Variants in SLC13A1 observed in about 807,000 individuals in gnomAD.
The protein encoded by SLC13A1 is Na(+)/sulfate cotransporter.
A neutral mutation model predicts 70.0 loss-of-function variants in SLC13A1; 65 were observed. That is an observed-to-expected ratio of 0.93 (90% CI 0.76 to 1.14). The LOEUF is 1.14. SLC13A1 is among the 50% of genes most tolerant of loss of function. SLC13A1 has a pLI of 0.00. For synonymous variants in SLC13A1, 275 were observed against 250.5 expected, an observed-to-expected ratio of 1.10 and a Z score of -0.92; for missense variants, 726 against 717.8, an observed-to-expected ratio of 1.01 and a Z score of -0.13.
intron 7 of SLC13A1, among the ~76,000 whole-genome samples, chr7:123,141,185 C>A (rs1443441767): frequency 6.6e-6 from 1 of 152,002 alleles, no homozygotes; most frequent in Non-Finnish European, 1.5e-5. Context: ...CATTCAGGAG[C>A]ATATTGTTTA....
chr7:123,140,450 C>A (rs766052666), intron 7 of SLC13A1, among the ~76,000 whole-genome samples: 2 of 151,588 alleles, frequency 1.3e-5, no homozygotes, highest in African/African-American at 2.4e-5. Flanking sequence ...GGACTCATAG[C>A]GTTTGAAAGT....
At chr7:123,146,661 CAT>C (rs1203295105) in intron 7 of SLC13A1, among the ~76,000 whole-genome samples, 4 of 152,186 alleles carry the variant, frequency 2.6e-5, no homozygotes, top group Admixed American at 6.5e-5. Flanking sequence ...TATTAACAGT[CAT>C]ATATCTGTTT....
rs145376755 is a variant in SLC13A1 at position 123,196,299 on chromosome 7, G to A, written c.99+3549C>T. ...AGATTACCATTATGTTTAAGAGACAGAAAGAATTTCTGATGCTCAGTGTAA... is the reference window on the plus strand; with the variant it reads ...AGATTACCATTATGTTTAAGAGACAAAAAGAATTTCTGATGCTCAGTGTAA... On this transcript the variant is annotated intron_variant, in intron 1 of 14. Coordinates refer to ENST00000194130, the MANE Select transcript of SLC13A1 (RefSeq NM_022444.4). Among the ~76,000 whole-genome samples, 192 of 152,220 alleles carry A rather than the reference G, an allele frequency of 1.3e-3. 1 individual carries two copies. Among genetic ancestry groups the A allele is most frequent in the African/African-American group, 4.3e-3 (180 of 41,558 alleles).
intron 14 of SLC13A1, 91 bp downstream of exon 14, chr7:123,117,380 T>C: frequency 2.4e-6 from 3 of 1,267,164 alleles, no homozygotes; most frequent in Non-Finnish European, 3.4e-6. Flanking sequence ...TTCCTGGTGG[T>C]TGATTGGTGT....
At chr7:123,174,850 C>G (rs1795396786) in intron 2 of SLC13A1, among the ~76,000 whole-genome samples, 1 of 151,948 alleles carries the variant, frequency 6.6e-6, no homozygotes. Context: ...TGCTTTAACA[C>G]TTGCTTGCAA....
intron 8 of SLC13A1, among the ~76,000 whole-genome samples, chr7:123,130,884 A>G (rs572573544): frequency 3.2e-4 from 48 of 152,214 alleles, no homozygotes; most frequent in African/African-American, 1.0e-3. Context: ...CTTCCTCACT[A>G]ATTTTCTGTC....
chr7:123,185,044 G>A (rs779928324), intron 1 of SLC13A1, among the ~76,000 whole-genome samples: 6 of 151,916 alleles, frequency 3.9e-5, no homozygotes, highest in South Asian at 2.1e-4. Flanking sequence ...GAGTGATGTC[G>A]AGCATTTTTT....
intron 6 of SLC13A1, among the ~76,000 whole-genome samples, chr7:123,154,269 G>C (rs572459274): frequency 6.6e-6 from 1 of 152,196 alleles, no homozygotes; most frequent in East Asian, 1.9e-4. Flanking sequence ...GTAACCTATT[G>C]TGTTTTTATT....
intron 6 of SLC13A1, among the ~76,000 whole-genome samples, chr7:123,157,090 A>G (rs904211953): frequency 2.0e-5 from 3 of 152,110 alleles, no homozygotes; most frequent in East Asian, 3.9e-4. Flanking sequence ...CTGCTTTCTT[A>G]CAAGGGATAC....
intron 2 of SLC13A1, among the ~76,000 whole-genome samples, chr7:123,177,895 C>A (rs1165584069): frequency 6.6e-6 from 1 of 152,036 alleles, no homozygotes; most frequent in East Asian, 1.9e-4. Context: ...TCTAGAAAGA[C>A]AGGAAATATT....
chr7:123,174,712 C>T (rs887027934), intron 2 of SLC13A1, among the ~76,000 whole-genome samples: 6 of 152,064 alleles, frequency 3.9e-5, no homozygotes, highest in African/African-American at 1.4e-4. Flanking sequence ...GTTTTAAAGA[C>T]CAAATCCAAT....
chr7:123,141,544 TTC>T (rs146836017), intron 7 of SLC13A1, among the ~76,000 whole-genome samples: 1 of 151,434 alleles, frequency 6.6e-6, no homozygotes, highest in Non-Finnish European at 1.5e-5. Context: ...TGAGGTCTCT[TTC>T]TCTCTCTCTC....
chr7:123,124,530 A>G (rs1308725087), intron 11 of SLC13A1, among the ~76,000 whole-genome samples: 2 of 152,192 alleles, frequency 1.3e-5, no homozygotes, highest in Non-Finnish European at 2.9e-5. Context: ...TTCCATCCCC[A>G]TAAGAACAAA....
chr7:123,176,390 T>C (rs879530080), intron 2 of SLC13A1, among the ~76,000 whole-genome samples: 1 of 152,154 alleles, frequency 6.6e-6, no homozygotes, highest in African/African-American at 2.4e-5. Flanking sequence ...AAAATTGATA[T>C]GTCAAATAAC....
intron 7 of SLC13A1, among the ~76,000 whole-genome samples, chr7:123,140,942 T>G (rs971922808): frequency 2.6e-5 from 4 of 152,128 alleles, no homozygotes; most frequent in African/African-American, 9.6e-5. Context: ...TGATATTTTC[T>G]TCTACTAACT....
intron 7 of SLC13A1, among the ~76,000 whole-genome samples, chr7:123,135,938 C>T (rs1793935079): frequency 6.6e-6 from 1 of 152,160 alleles, no homozygotes; most frequent in African/African-American, 2.4e-5. Context: ...TTATCACATC[C>T]ATGAGGCTCT....
chr7:123,147,928 T>A (rs1585330375), intron 6 of SLC13A1, among the ~76,000 whole-genome samples: 3 of 152,288 alleles, frequency 2.0e-5, no homozygotes, highest in African/African-American at 7.2e-5. Context: ...TTGATACTGG[T>A]GGTACATACT....
chr7:123,140,089 T>C (rs925628742), intron 7 of SLC13A1, among the ~76,000 whole-genome samples: 1 of 151,912 alleles, frequency 6.6e-6, no homozygotes, highest in Admixed American at 6.6e-5. Flanking sequence ...TTAAAAAAAA[T>C]TGTTAAGGTA....
intron 6 of SLC13A1, among the ~76,000 whole-genome samples, chr7:123,157,388 G>C (rs534780169): frequency 3.9e-5 from 6 of 152,034 alleles, no homozygotes; most frequent in African/African-American, 1.2e-4. Flanking sequence ...AACATTTATT[G>C]TGTGTGATGA....
Sources: allele counts gnomAD v4.1 joint callset (sites outside exome capture counted in the v4.1 genomes callset), GRCh38; gene constraint gnomAD v4.1.1; transcripts MANE v1.5; gene names NCBI Gene and HGNC (gene_info 2026-07-23, HGNC 2026-07-21).